The following SLC2A9 variants were observed in gnomAD, a reference collection of about 807,000 sequenced individuals.
SLC2A9 encodes the protein solute carrier family 2, facilitated glucose transporter member 9.
Under a neutral mutation model 50.6 loss-of-function variants are expected in SLC2A9, and 39 were observed. The observed-to-expected ratio is 0.77, with a 90% CI of 0.60 to 1.01. SLC2A9 has a LOEUF of 1.01. Among genes scored for constraint, SLC2A9 ranks in the 50% least tolerant of loss-of-function variants. The pLI is 0.00. For synonymous variants in SLC2A9, 324 were observed against 276.9 expected (o/e 1.17, Z -1.69); for missense variants, 686 against 677.6 (o/e 1.01, Z -0.14).
intron 8 of SLC2A9, among the ~76,000 whole-genome samples, chr4:9,903,508 A>G (rs1349842872): frequency 6.6e-6 from 1 of 152,116 alleles, no homozygotes; most frequent in Non-Finnish European, 1.5e-5. Context: ...TTGGAAAACC[A>G]GCTGTTTCTG....
intron 3 of SLC2A9, chr4:9,783,520 C>G (rs564604787): frequency 6.7e-4 from 976 of 1,453,802 alleles, no homozygotes; most frequent in Non-Finnish European, 7.7e-4. Context: ...TTGACAAGCA[C>G]GCACACACAC....
chr4:9,811,260 T>G (rs1393244290), intron 3 of SLC2A9, among the ~76,000 whole-genome samples: 1 of 152,218 alleles, frequency 6.6e-6, no homozygotes, highest in African/African-American at 2.4e-5. Context: ...TGCATGCCCC[T>G]TTGGGATGTG....
chr4:9,986,920 G>T (rs1484926617), intron 3 of SLC2A9, among the ~76,000 whole-genome samples: 3 of 152,048 alleles, frequency 2.0e-5, no homozygotes, highest in Non-Finnish European at 2.9e-5. Flanking sequence ...ATTTCTCTGT[G>T]TTTTCTTTTC....
At chr4:9,903,029 C>A (rs1364888644) in intron 8 of SLC2A9, among the ~76,000 whole-genome samples, 1 of 152,132 alleles carries the variant, frequency 6.6e-6, no homozygotes, top group African/African-American at 2.4e-5. Context: ...AAATGGGTAT[C>A]AGAGAGGTTA....
At chr4:9,783,365 G>T in intron 3 of SLC2A9, 1 of 1,614,250 alleles carries the variant, frequency 6.2e-7, no homozygotes, top group South Asian at 1.1e-5. Context: ...GACGTCCCCA[G>T]ATGGTGACCC....
intron 6 of SLC2A9, among the ~76,000 whole-genome samples, chr4:9,931,962 C>CTCTCTCTCTCTCTCTCTCTATATA (rs1560329576): frequency 6.9e-5 from 1 of 14,580 alleles, no homozygotes; most frequent in Non-Finnish European, 1.1e-4. Context: ...CTCTCTCTCT[C>CTCTCTCTCTCTCTCTCTCTATATA]TATATATATA....
At chr4:10,017,414 C>T (rs947685384) in intron 2 of SLC2A9, among the ~76,000 whole-genome samples, 5 of 152,220 alleles carry the variant, frequency 3.3e-5, no homozygotes, top group African/African-American at 4.8e-5. Context: ...CTTGGAATGA[C>T]GTCACAATGA....
intron 2 of SLC2A9, among the ~76,000 whole-genome samples, chr4:10,002,830 G>A (rs540452906): frequency 2.6e-4 from 39 of 148,892 alleles, no homozygotes; most frequent in African/African-American, 7.5e-4. Flanking sequence ...TCCAGCCTGG[G>A]GGACTGAGCG....
chr4:9,875,016 T>G (rs1734071135), intron 10 of SLC2A9, among the ~76,000 whole-genome samples: 1 of 144,124 alleles, frequency 6.9e-6, no homozygotes, highest in Non-Finnish European at 1.5e-5. Context: ...TGGGATGCTG[T>G]GTCTTTAGAA....
chr4:9,981,507 A>T (rs999379409), intron 4 of SLC2A9, among the ~76,000 whole-genome samples: 1 of 152,224 alleles, frequency 6.6e-6, no homozygotes, highest in African/African-American at 2.4e-5. Context: ...TCTTCTAAAG[A>T]TTAGTAAACT....
chr4:9,771,235 C>A (rs1198880265), exon 2 of SLC2A9: 4 of 362,480 alleles, frequency 1.1e-5, no homozygotes, highest in African/African-American at 4.2e-5. Context: ...TAATCCCTAA[C>A]CTCAGTGACA....
chr4:9,845,222 C>T (rs1297112775), intron 10 of SLC2A9, among the ~76,000 whole-genome samples: 1 of 151,866 alleles, frequency 6.6e-6, no homozygotes, highest in African/African-American at 2.4e-5. Context: ...ACCGTGTTAG[C>T]CAGGATGGTC....
chr4:9,817,315 C>T (rs940031280), intron 3 of SLC2A9, among the ~76,000 whole-genome samples: 1 of 152,200 alleles, frequency 6.6e-6, no homozygotes, highest in African/African-American at 2.4e-5. Context: ...ATGATGCTGC[C>T]TGATATACTA....
At chr4:9,874,184 C>T (rs189362274) in intron 10 of SLC2A9, among the ~76,000 whole-genome samples, 2 of 152,322 alleles carry the variant, frequency 1.3e-5, no homozygotes, top group East Asian at 1.9e-4. Flanking sequence ...CTCAGACATT[C>T]CTCCTTTTCC....
intron 1 of SLC2A9, among the ~76,000 whole-genome samples, chr4:9,773,686 C>T (rs1028801738): frequency 7.9e-5 from 12 of 152,198 alleles, no homozygotes; most frequent in Non-Finnish European, 1.5e-4. Flanking sequence ...AGTTTATTAG[C>T]TGCTTAGTTG....
At chr4:10,018,589 T>TAGACAGATAGACAAAC (rs1553915108) in intron 2 of SLC2A9, among the ~76,000 whole-genome samples, 1 of 151,032 alleles carries the variant, frequency 6.6e-6, no homozygotes, top group Non-Finnish European at 1.5e-5. Context: ...GATAGATAGA[T>TAGACAGATAGACAAAC]AACAACAACA....
intron 7 of SLC2A9, among the ~76,000 whole-genome samples, chr4:9,911,067 G>T (rs1184188780): frequency 6.6e-6 from 1 of 152,036 alleles, no homozygotes. Flanking sequence ...GTTGATGGGT[G>T]CAGCAAACCA....
intron 1 of SLC2A9, among the ~76,000 whole-genome samples, chr4:9,772,713 T>TA (rs201617971): frequency 0.02 from 3,064 of 152,200 alleles, 106 homozygotes; most frequent in African/African-American, 0.07. Context: ...AGCATTGCTG[T>TA]AAAAAAAACT....
intron 3 of SLC2A9, among the ~76,000 whole-genome samples, chr4:9,813,651 G>A (rs1260730003): frequency 6.6e-6 from 1 of 152,230 alleles, no homozygotes; most frequent in Non-Finnish European, 1.5e-5. Context: ...AGATGTGCAA[G>A]TGAAAAATAA....
Sources: gnomAD v4.1 joint callset for allele counts (sites outside exome capture counted in the v4.1 genomes callset) on GRCh38, gnomAD v4.1.1 for gene constraint, MANE v1.5 for transcripts, NCBI Gene and HGNC (gene_info 2026-07-23, HGNC 2026-07-21) for gene names.